SYT14: variants seen among roughly 807,000 people sequenced by gnomAD.
SYT14 encodes synaptotagmin-14.
Under a neutral mutation model 74.2 loss-of-function variants are expected in SYT14, and 32 were observed. The ratio of observed to expected loss-of-function variants is 0.43; its 90% CI spans 0.33 to 0.58. SYT14 has a LOEUF of 0.58. Among genes scored for constraint, SYT14 ranks in the 20% least tolerant of loss-of-function variants. The pLI is 0.05. For missense variants in SYT14, 791 were observed against 981.8 expected (o/e 0.81, Z 2.60); for synonymous variants, 298 against 337.7 (o/e 0.88, Z 1.29).
intron 5 of SYT14, among the ~76,000 whole-genome samples, chr1:210,024,284 A>G (rs1330135831): frequency 6.6e-6 from 1 of 152,248 alleles, no homozygotes. Flanking sequence ...AAAAGATATC[A>G]GTTAAGGAGA....
At chr1:210,040,706 C>T (rs781416104) in intron 5 of SYT14, among the ~76,000 whole-genome samples, 17 of 152,166 alleles carry the variant, frequency 1.1e-4, no homozygotes, top group South Asian at 2.1e-4. Flanking sequence ...ATGCATCTTC[C>T]AGCAGCACTG....
At chr1:210,075,611 G>A (rs968055507) in intron 5 of SYT14, among the ~76,000 whole-genome samples, 4 of 152,140 alleles carry the variant, frequency 2.6e-5, no homozygotes, top group Admixed American at 2.0e-4. Flanking sequence ...GGAATTACAG[G>A]CATGAGCCAC....
rs138284152 is a variant in SYT14, at chr1:210,150,473, G to T, written c.2035-5248G>T. 1.7e-3 allele frequency among the ~76,000 whole-genome samples: 261 copies of T among 152,278 alleles called. 1 individual carries two copies. The highest frequency in any genetic ancestry group is 5.8e-3 in the African/African-American group (243 of 41,542). On this transcript the variant is annotated intron_variant, in intron 7 of 9. Transcript: ENST00000637265. The stretch of plus-strand genomic sequence containing the variant: ...CTCTTTCTTCCTCTCTCCTGAAATT[G>T]CCTCTGGTGATCTCCTCCTTACCTA...
At chr1:209,983,241 G>A (rs1194057122) in intron 2 of SYT14, among the ~76,000 whole-genome samples, 2 of 151,806 alleles carry the variant, frequency 1.3e-5, no homozygotes, top group East Asian at 3.9e-4. Context: ...CATGGATTGT[G>A]CCTTTGGTGT....
intron 5 of SYT14, among the ~76,000 whole-genome samples, chr1:210,053,101 A>G (rs910979701): frequency 9.9e-5 from 15 of 152,238 alleles, no homozygotes; most frequent in African/African-American, 3.4e-4. Flanking sequence ...TTGTATCCAT[A>G]CAATATCAAT....
At chr1:210,101,411 G>A (rs1368201985) in intron 7 of SYT14, among the ~76,000 whole-genome samples, 2 of 152,008 alleles carry the variant, frequency 1.3e-5, no homozygotes, top group African/African-American at 4.8e-5. Context: ...GTAGTTTAGG[G>A]TCTCATCTCA....
intron 1 of SYT14, among the ~76,000 whole-genome samples, chr1:209,947,009 A>G (rs1173380815): frequency 6.6e-6 from 1 of 152,194 alleles, no homozygotes; most frequent in South Asian, 2.1e-4. Flanking sequence ...GTTTTAAATG[A>G]CAGAACATCT....
At chr1:210,169,540 A>G (rs189556756) in exon 10 of SYT14, 2 of 151,954 alleles carry the variant, frequency 1.3e-5, no homozygotes, top group African/African-American at 4.8e-5. Flanking sequence ...TTCCAGTAGT[A>G]GCTTGCGTTA....
chr1:210,005,963 G>C (rs1037559954), intron 2 of SYT14, among the ~76,000 whole-genome samples: 1 of 151,800 alleles, frequency 6.6e-6, no homozygotes. Context: ...TGTACTTAGA[G>C]GGAATACAGG....
At chr1:209,974,799 G>A (rs2079326547) in intron 2 of SYT14, among the ~76,000 whole-genome samples, 1 of 152,108 alleles carries the variant, frequency 6.6e-6, no homozygotes, top group Admixed American at 6.5e-5. Flanking sequence ...AAATTACCTT[G>A]GGCAATTTGG....
intron 8 of SYT14, among the ~76,000 whole-genome samples, chr1:210,158,731 G>C (rs1422550197): frequency 6.6e-6 from 1 of 152,138 alleles, no homozygotes; most frequent in Non-Finnish European, 1.5e-5. Context: ...AATTCATGGT[G>C]TTAGGTGGGA....
At chr1:210,126,513 A>G (rs1198286268) in intron 7 of SYT14, among the ~76,000 whole-genome samples, 3 of 152,206 alleles carry the variant, frequency 2.0e-5, no homozygotes, top group Non-Finnish European at 4.4e-5. Flanking sequence ...AAAGGGGGTT[A>G]AATTTGTCTG....
intron 7 of SYT14, among the ~76,000 whole-genome samples, 160 bp downstream of exon 6, chr1:210,100,621 T>C (rs111809262): frequency 9.2e-5 from 14 of 152,240 alleles, no homozygotes; most frequent in African/African-American, 2.9e-4. Context: ...TAGATAGATA[T>C]ACTTTTTCTT....
chr1:210,033,579 T>C (rs2080588706), intron 5 of SYT14, among the ~76,000 whole-genome samples: 1 of 151,724 alleles, frequency 6.6e-6, no homozygotes, highest in Non-Finnish European at 1.5e-5. Context: ...CTCATAAGGG[T>C]AAAGATTTTC....
intron 7 of SYT14, among the ~76,000 whole-genome samples, chr1:210,123,298 G>A (rs1398589907): frequency 1.3e-5 from 2 of 152,150 alleles, no homozygotes; most frequent in Non-Finnish European, 2.9e-5. Flanking sequence ...CAGCAGATGA[G>A]ACATACCACC....
At chr1:209,938,843 A>G (rs755930799) in intron 1 of SYT14, among the ~76,000 whole-genome samples, 6 of 152,156 alleles carry the variant, frequency 3.9e-5, no homozygotes, top group Non-Finnish European at 8.8e-5. Context: ...TAGGGGGTCC[A>G]GGAAATTTGG....
At chr1:210,038,681 A>G (rs575972403) in intron 5 of SYT14, among the ~76,000 whole-genome samples, 112 of 152,214 alleles carry the variant, frequency 7.4e-4, no homozygotes, top group Admixed American at 2.2e-3. Context: ...TATGAAGCTT[A>G]TACTAGTAAA....
At chr1:210,164,734 T>C (rs978611418) in exon 10 of SYT14, 4 of 152,072 alleles carry the variant, frequency 2.6e-5, no homozygotes, top group Non-Finnish European at 5.9e-5. Flanking sequence ...GACTAGACAA[T>C]TCACAGATTT....
chr1:209,956,147 A>C (rs2078987825), intron 2 of SYT14, among the ~76,000 whole-genome samples: 2 of 151,950 alleles, frequency 1.3e-5, no homozygotes. Context: ...TTCTGCTACC[A>C]CCCTTCCCGC....
Sources: allele counts gnomAD v4.1 joint callset (sites outside exome capture counted in the v4.1 genomes callset), GRCh38; gene constraint gnomAD v4.1.1; transcripts MANE v1.5; gene names NCBI Gene and HGNC (gene_info 2026-07-23, HGNC 2026-07-21).